Variants in RIMS1 observed in about 807,000 individuals in gnomAD.
The protein encoded by RIMS1 is regulating synaptic membrane exocytosis protein 1.
In RIMS1, 83 loss-of-function variants were observed where a neutral mutation model predicts 214.1. The ratio of observed to expected loss-of-function variants is 0.39; its 90% confidence interval spans 0.32 to 0.47. The LOEUF (loss-of-function observed/expected upper bound fraction) is 0.47. Ranked by LOEUF, RIMS1 falls within the 20% of genes least tolerant of loss-of-function variation. The pLI is 0.99. For synonymous variants in RIMS1, 793 were observed against 786.8 expected (o/e 1.01, Z -0.13); for missense variants, 2,050 against 2,161.8 (o/e 0.95, Z 1.03).
At chr6:72,255,344 A>C (rs1487473912) in intron 16 of RIMS1, among the ~76,000 whole-genome samples, 2 of 152,168 alleles carry the variant, frequency 1.3e-5, no homozygotes, top group African/African-American at 4.8e-5. Context: ...TGTTTAATGT[A>C]CTCAAGGAAG....
chr6:72,336,131 G>GT (rs1424937604), intron 29 of RIMS1, among the ~76,000 whole-genome samples: 1 of 151,818 alleles, frequency 6.6e-6, no homozygotes, highest in Non-Finnish European at 1.5e-5. Flanking sequence ...GTGAGAGATT[G>GT]TAAGTTTACA....
At chr6:72,009,439 T>C in intron 2 of RIMS1, among the ~76,000 whole-genome samples, 1 of 151,882 alleles carries the variant, frequency 6.6e-6, no homozygotes, top group Non-Finnish European at 1.5e-5. Flanking sequence ...GCAAACACAT[T>C]CAAAAGCTAG....
At chr6:72,148,823 T>C (rs1469890482) in intron 4 of RIMS1, among the ~76,000 whole-genome samples, 1 of 151,782 alleles carries the variant, frequency 6.6e-6, no homozygotes, top group Non-Finnish European at 1.5e-5. Flanking sequence ...AAGGTGACCC[T>C]CATGTTTGCA....
intron 1 of RIMS1, among the ~76,000 whole-genome samples, chr6:71,956,601 A>G (rs959200414): frequency 6.6e-6 from 1 of 152,140 alleles, no homozygotes; most frequent in East Asian, 1.9e-4. Context: ...CTTCACCACT[A>G]TTTTACAGTA....
chr6:72,261,973 A>C, intron 19 of RIMS1: 1 of 984,424 alleles, frequency 1.0e-6, no homozygotes, highest in Non-Finnish European at 1.2e-6. Context: ...ACAGTTTCTT[A>C]AAATAATGGT....
intron 24 of RIMS1, among the ~76,000 whole-genome samples, chr6:72,287,295 CACAT>C (rs1480083192): frequency 1.3e-5 from 2 of 152,138 alleles, no homozygotes; most frequent in Non-Finnish European, 2.9e-5. Flanking sequence ...CCTTAAATAC[CACAT>C]ACATGTCCAT....
chr6:72,200,693 A>G (rs1185566464), intron 6 of RIMS1, among the ~76,000 whole-genome samples: 3 of 152,166 alleles, frequency 2.0e-5, no homozygotes, highest in Admixed American at 1.3e-4. Flanking sequence ...CTCCCTCTTA[A>G]CTACCGAAAA....
At chr6:72,229,825 T>A (rs73534394) in intron 6 of RIMS1, among the ~76,000 whole-genome samples, 1,710 of 151,988 alleles carry the variant, frequency 0.011, 33 homozygotes, top group African/African-American at 0.039. Context: ...AATGTTTATA[T>A]TTTTAATATC....
At chr6:72,298,031 G>A (rs905245473) in intron 26 of RIMS1, among the ~76,000 whole-genome samples, 2 of 151,934 alleles carry the variant, frequency 1.3e-5, no homozygotes, top group African/African-American at 4.8e-5. Context: ...ATTAACTGTA[G>A]ATGAACTTGT....
chr6:72,140,829 T>C (rs1359650339), intron 4 of RIMS1, among the ~76,000 whole-genome samples: 1 of 152,058 alleles, frequency 6.6e-6, no homozygotes, highest in Non-Finnish European at 1.5e-5. Context: ...TACTCAAATA[T>C]AACTGTTTTC....
chr6:71,986,323 A>G (rs1472625760), intron 2 of RIMS1, among the ~76,000 whole-genome samples: 3 of 152,038 alleles, frequency 2.0e-5, no homozygotes, highest in Non-Finnish European at 2.9e-5. Flanking sequence ...AATAATATGC[A>G]TACCATGATT....
chr6:72,124,234 C>T (rs1449743631), intron 4 of RIMS1, among the ~76,000 whole-genome samples: 1 of 151,822 alleles, frequency 6.6e-6, no homozygotes, highest in Non-Finnish European at 1.5e-5. Flanking sequence ...ATTTATGAAG[C>T]TTAGTTTGGC....
At chr6:71,944,058 A>G (rs946031877) in intron 1 of RIMS1, among the ~76,000 whole-genome samples, 13 of 152,332 alleles carry the variant, frequency 8.5e-5, no homozygotes, top group African/African-American at 3.1e-4. Context: ...CATAAAATAT[A>G]ATGCCTAAAA....
At chr6:72,311,133 C>G (rs2095489827) in intron 27 of RIMS1, among the ~76,000 whole-genome samples, 1 of 152,136 alleles carries the variant, frequency 6.6e-6, no homozygotes, top group Non-Finnish European at 1.5e-5. Flanking sequence ...AGCATTTGCT[C>G]TGGGTATCAG....
intron 4 of RIMS1, among the ~76,000 whole-genome samples, chr6:72,172,277 A>C (rs995923845): frequency 6.6e-6 from 1 of 152,184 alleles, no homozygotes; most frequent in Admixed American, 6.5e-5. Context: ...TCATGTTATG[A>C]ATATGTTAAA....
At position 72,375,731 on chromosome 6, in the gene RIMS1, G is replaced by A. The variant is rs961695110; in HGVS notation, c.4367-14867G>A. 5.9e-5 allele frequency among the ~76,000 whole-genome samples: 9 copies of A among 152,140 alleles called. 1 individual carries two copies. The highest frequency in any genetic ancestry group is 2.1e-4 in the South Asian group (1 of 4,830). ...TGGGGCAAGGTTTGGGTACACAAGG[G>A]ACCCAAACCTGGATTGGATTTGGAT... On this transcript the variant is annotated intron_variant, in intron 29 of 33. Transcript: ENST00000521978.
At position 72,239,471 on chromosome 6, in the gene RIMS1, A is replaced by G. The variant is rs556991480; in HGVS notation, c.1957+1549A>G. 1.3e-3 allele frequency among the ~76,000 whole-genome samples: 198 copies of G among 152,340 alleles called. 1 individual carries two copies. The highest frequency in any genetic ancestry group is 4.4e-3 in the African/African-American group (185 of 41,590). On this transcript the variant is annotated intron_variant, in intron 9 of 33. Coordinates refer to ENST00000521978, the MANE Select transcript of RIMS1 (RefSeq NM_014989.7). ...GTGAAGTGATTTTGCAGACTCAATC[A>G]TATATCCTATTTGATTTACATTATA... is the stretch of plus-strand genomic sequence containing the variant.
chr6:71,948,929 A>T (rs1346903063), intron 1 of RIMS1, among the ~76,000 whole-genome samples: 1 of 152,126 alleles, frequency 6.6e-6, no homozygotes, highest in Admixed American at 6.6e-5. Context: ...ATCTAAGTTT[A>T]CTCATCAAAC....
chr6:72,225,679 A>T (rs2059980847), intron 6 of RIMS1, among the ~76,000 whole-genome samples: 1 of 152,180 alleles, frequency 6.6e-6, no homozygotes, highest in African/African-American at 2.4e-5. Flanking sequence ...GAGACTTTGC[A>T]CTTGACAACC....
Sources: gnomAD v4.1 joint callset for allele counts (sites outside exome capture counted in the v4.1 genomes callset) on GRCh38, gnomAD v4.1.1 for gene constraint, MANE v1.5 for transcripts, NCBI Gene and HGNC (gene_info 2026-07-23, HGNC 2026-07-21) for gene names.